The following SALL1 variants were observed in gnomAD, a reference collection of about 807,000 sequenced individuals.
The protein encoded by SALL1 is spalt like transcription factor 1, also known as sal-like protein 1.
A neutral mutation model predicts 73.1 loss-of-function variants in SALL1; 10 were observed. The observed-to-expected ratio is 0.14, with a 90% CI of 0.08 to 0.23. SALL1 has a LOEUF of 0.23. Among genes scored for constraint, SALL1 ranks in the 10% least tolerant of loss-of-function variants. The pLI, the probability that SALL1 is intolerant of heterozygous loss-of-function variation, is 1.00. For synonymous variants in SALL1, 688 were observed against 689.8 expected (o/e 1.00, Z 0.04); for missense variants, 1,520 against 1,697.3 (o/e 0.90, Z 1.84).
chr16:51,144,420 A>C (rs932953652), intron 1 of SALL1, among the ~76,000 whole-genome samples: 3 of 152,204 alleles, frequency 2.0e-5, no homozygotes, highest in Non-Finnish European at 4.4e-5. Flanking sequence ...GCTCACATTT[A>C]TCAAAACATA....
Position 51,140,294 on chromosome 16 carries a change from C to T in SALL1, c.1928G>A (p.Ser643Asn). The change falls in exon 2 of 3, where the codon AGC (serine) becomes AAC (asparagine). Residue 643 changes from serine (S) to asparagine (N), a missense_variant. This residue lies in a region of SALL1 where 276 missense variants were observed against 259.1 expected (regional missense o/e 1.07). Transcript: ENST00000251020. This position sits in a 1 kb window ranked among gnomAD's most constrained non-coding sequence, Gnocchi z 5.7. ...GGGGCCGCAGTCTGCCGCTGGGGAG[C>T]TCAGGACGCTACTGCTCGCCGTCGG... is the stretch of plus-strand genomic sequence containing the variant. Reference protein sequence around the residue: ...SVPTASSSVLSSPAADCGPAG... With the variant: ...SVPTASSSVLNSPAADCGPAG... The T allele has an allele frequency of 6.2e-7, 1 of 1,614,122 alleles. No individual in the cohort carries two copies.
At position 51,139,036 on chromosome 16, in the gene SALL1, C is replaced by A. The variant is rs1213436025; in HGVS notation, c.3186G>T (p.Glu1062Asp). The A allele has an allele frequency of 6.2e-7, 1 of 1,614,172 alleles. No homozygotes were observed. The highest frequency in any genetic ancestry group is 8.5e-7 in the Non-Finnish European group (1 of 1,180,036). Residue 1062 changes from glutamate to aspartate, a missense_variant, in exon 2 of 3, where the codon GAG (glutamate) becomes GAT (aspartate). By Grantham distance (45) the Glu-to-Asp change is conservative (BLOSUM62 2). Around this residue, in one of 7 missense-constraint regions of SALL1, gnomAD observed 318 missense variants for 357.1 expected, o/e 0.89. Transcript: ENST00000251020. ...GATTGGGGCCAAGGTTGGAACTGGG[C>A]TCAAAGAGCTGGGATGGCAGATCTC... ...QMRDLPSQLF[E>D]PSSNLGPNQN... is the part of the protein sequence containing the mutation.
chr16:51,136,329 A>G lies in SALL1; in HGVS notation c.*783T>C, dbSNP rs1409430246. 1.3e-5 allele frequency: 2 copies of G among 152,688 alleles called. No individual in the cohort carries two copies. The highest frequency in any genetic ancestry group is 2.9e-5 in the Non-Finnish European group (2 of 68,042). The allele number at this position is 152,688 out of a possible 1,614,324, so 9.5% of individuals were successfully genotyped here. The stretch of plus-strand genomic sequence containing the variant: ...TAGCAGCATTGTGAAATTCCAGCAC[A>G]CATTTTCTATCGTGAATATACCTAC... On this transcript the variant is annotated 3_prime_UTR_variant, in exon 3 of 3. Coordinates refer to ENST00000251020, the MANE Select transcript of SALL1 (RefSeq NM_002968.3).
chr16:51,148,490 G>A (rs1962549590), intron 1 of SALL1, among the ~76,000 whole-genome samples: 1 of 152,170 alleles, frequency 6.6e-6, no homozygotes, highest in South Asian at 2.1e-4. Flanking sequence ...GTTTGAAAAG[G>A]GGCTTGCCTT....
intron 1 of SALL1, among the ~76,000 whole-genome samples, chr16:51,147,935 T>A (rs1962543561): frequency 6.6e-6 from 1 of 152,206 alleles, no homozygotes; most frequent in Admixed American, 6.5e-5. Context: ...TGATAAACAG[T>A]CTTTCCAGTA....
rs551930236 is a variant in SALL1, at chr16:51,140,285, G to A, written c.1937C>T (p.Ala646Val). Residue 646 changes from alanine (A) to valine (V), a missense_variant, in exon 2 of 3, where the codon GCG (alanine) becomes GTG (valine). This residue lies in a region of SALL1 where 276 missense variants were observed against 259.1 expected (regional missense o/e 1.07). Coordinates refer to ENST00000251020, the MANE Select transcript of SALL1 (RefSeq NM_002968.3). This position sits in a 1 kb window ranked among gnomAD's most constrained non-coding sequence, Gnocchi z 5.7. ...ACTGCCCGCGGGGCCGCAGTCTGCC[G>A]CTGGGGAGCTCAGGACGCTACTGCT... The part of the protein sequence containing the change: ...TASSSVLSSP[A>V]ADCGPAGSAT... 14 of 1,614,112 alleles carry A rather than the reference G, an allele frequency of 8.7e-6. No homozygotes were observed. Among genetic ancestry groups the A allele is most frequent in the African/African-American group, 5.3e-5 (4 of 75,056 alleles).
In SALL1 at chr16:51,137,521, G is replaced by A. The variant is rs777704016; in HGVS notation, c.3566C>T (p.Thr1189Ile). 2 of 1,613,678 alleles carry A rather than the reference G, an allele frequency of 1.2e-6. No homozygotes were observed. The highest frequency in any genetic ancestry group is 1.3e-5 in the African/African-American group (1 of 74,878). ...VHMGTHMWNS[T>I]PARRGRRLSV... Reference sequence around the variant, plus strand: ...GAGCCGCCGACCCCGTCGTGCAGGGGTGCTATTCCACATGTGAGTGCCCAT... The same window carrying A: ...GAGCCGCCGACCCCGTCGTGCAGGGATGCTATTCCACATGTGAGTGCCCAT... Residue 1189 changes from threonine to isoleucine, a missense_variant, in exon 3 of 3, where the codon ACC (threonine) becomes ATC (isoleucine). Thr to Ile is a moderately conservative substitution (Grantham distance 89). Transcript: ENST00000251020.
chr16:51,136,976 G>A lies in SALL1; in HGVS notation c.*136C>T. 1 of 704,960 alleles carries A rather than the reference G, an allele frequency of 1.4e-6. No individual in the cohort carries two copies. The allele number at this position is 704,960 out of a possible 1,614,324, so 43.7% of individuals were successfully genotyped here. A position where few individuals can be genotyped will look rare whatever the true frequency, so the allele number is the denominator to read the frequency against. On this transcript the variant is annotated 3_prime_UTR_variant, in exon 3 of 3. Coordinates refer to ENST00000251020, the MANE Select transcript of SALL1 (RefSeq NM_002968.3). ...AAAGTTGAACAAGGTACAAAAGAAT[G>A]TCTTCATAATGTTGTAGTTCATAGA...
At position 51,139,768 on chromosome 16, in the gene SALL1, A is replaced by C. The variant is rs1271257690; in HGVS notation, c.2454T>G (p.Phe818Leu). Reference protein sequence around the residue: ...SDTGSFDEKNFDDLDNFSDEN... With the variant: ...SDTGSFDEKNLDDLDNFSDEN... ...CATCAGAGAAGTTGTCTAGGTCATC[A>C]AAATTTTTCTCATCAAAGGAACCTG... The change falls in exon 2 of 3, where the codon TTT becomes TTG. Residue 818 changes from phenylalanine to leucine, a missense_variant. Physicochemically the swap from Phe to Leu is conservative, Grantham distance 22. Transcript: ENST00000251020. 4 of 1,614,082 alleles carry C rather than the reference A, an allele frequency of 2.5e-6. No homozygotes were observed. The Admixed American group carries it at 5.0e-5, about 20-fold the overall frequency.
At chr16:51,137,609 A>C in intron 2 of SALL1, 57 bp from the exon 3 acceptor site, 1 of 1,385,110 alleles carries the variant, frequency 7.2e-7, no homozygotes, top group Non-Finnish European at 1.0e-6. Context: ...AAAAAAGAGG[A>C]GGGGGAGAGA....
rs1317121878 is a variant in SALL1, at chr16:51,137,282, T to G, written c.3805A>C (p.Ser1269Arg). ...GIPPIPGSLG[S>R]GNSSPVSGLT... is the part of the protein sequence containing the mutation. ...CCACTAACAGGTGAGCTGTTCCCAC[T>G]GCCGAGGCTTCCAGGAATTGGAGGG... is the stretch of plus-strand genomic sequence containing the variant. The change falls in exon 3 of 3, where the codon AGT becomes CGT. Residue 1269 changes from serine to arginine, a missense_variant. This residue lies in a region of SALL1 where 318 missense variants were observed against 357.1 expected (regional missense o/e 0.89). Transcript: ENST00000251020. 9.3e-6 allele frequency: 15 copies of G among 1,613,958 alleles called. No homozygotes were observed. Among genetic ancestry groups the G allele is most frequent in the Non-Finnish European group, 1.1e-5 (13 of 1,180,024 alleles).
Position 51,138,554 on chromosome 16 carries a change from G to A in SALL1, c.3534+134C>T, listed in dbSNP as rs1391810236. ...CCCCCATTTCTCCCCCGTCAACCAT[G>A]TGCAGCAGGTTCCCTTGCAAGAGCT... On this transcript the variant is annotated intron_variant, in intron 2 of 2. Coordinates refer to ENST00000251020, the MANE Select transcript of SALL1 (RefSeq NM_002968.3). 12 of 1,178,894 alleles carry A rather than the reference G, an allele frequency of 1.0e-5. No homozygotes were observed. The Admixed American group carries it at 1.1e-4, about 10-fold the overall frequency. 73.0% of individuals were successfully genotyped at this position (1,178,894 alleles called of 1,614,324 possible).
chr16:51,141,131 T>G lies in SALL1; in HGVS notation c.1091A>C (p.His364Pro). 1 of 1,614,208 alleles carries G rather than the reference T, an allele frequency of 6.2e-7. No homozygotes were observed. The change falls in exon 2 of 3, where the codon CAT (histidine) becomes CCT (proline). Residue 364 changes from histidine (H) to proline (P), a missense_variant. Around this residue, in one of 7 missense-constraint regions of SALL1, gnomAD observed 540 missense variants for 567.5 expected, o/e 0.95. Transcript: ENST00000251020. This position sits in a 1 kb window ranked among gnomAD's most constrained non-coding sequence, Gnocchi z 5.4. ...EKVASSAGASHVSNPAVSSSS... is the reference protein window; with the variant it reads ...EKVASSAGASPVSNPAVSSSS... ...TGATGAGACCGCTGGGTTGCTGACA[T>G]GGGAGGCCCCAGCACTTGAAGCCAC...
rs1380146699 is a variant in SALL1, at chr16:51,140,528, C to T, written c.1694G>A (p.Ser565Asn). Residue 565 changes from serine (S) to asparagine (N), a missense_variant, in exon 2 of 3, where the codon AGC (serine) becomes AAC (asparagine). Coordinates refer to ENST00000251020, the MANE Select transcript of SALL1 (RefSeq NM_002968.3). The surrounding 1 kb of genome is among the most constrained non-coding windows in gnomAD (Gnocchi z 5.7). The stretch of plus-strand genomic sequence containing the variant: ...TTCCGTCTTGATGAAGGGTATGAGG[C>T]TTGGGAGGGTTGGGGGCAACGGCAG... ...VGLPLPPTLPSLIPFIKTEEP... is the reference protein window; with the variant it reads ...VGLPLPPTLPNLIPFIKTEEP... The T allele has an allele frequency of 6.2e-7, 1 of 1,613,800 alleles. No homozygotes were observed. The highest frequency in any genetic ancestry group is 1.7e-5 in the Admixed American group (1 of 60,004).
chr16:51,143,273 C>T (rs572819937), intron 1 of SALL1: 1 of 365,092 alleles, frequency 2.7e-6, no homozygotes, highest in Non-Finnish European at 5.6e-6. Context: ...CACTAAGATC[C>T]ATTTGTAAAT....
At chr16:51,143,380 T>C in intron 1 of SALL1, 1 of 421,080 alleles carries the variant, frequency 2.4e-6, no homozygotes, top group Non-Finnish European at 4.8e-6. Context: ...ACTTCTGTTG[T>C]ACAAATGGTG....
chr16:51,149,263 T>G (rs1222486983), intron 1 of SALL1: 1 of 152,480 alleles, frequency 6.6e-6, no homozygotes, highest in African/African-American at 2.4e-5. Flanking sequence ...CCGAGACTTT[T>G]TTTTTTTAAA....
chr16:51,148,041 A>C (rs1413880737), intron 1 of SALL1, among the ~76,000 whole-genome samples: 1 of 152,248 alleles, frequency 6.6e-6, no homozygotes, highest in African/African-American at 2.4e-5. Flanking sequence ...GAAGCAGAAA[A>C]ATTACCAAGT....
chr16:51,142,436 T>C (rs572026834), intron 1 of SALL1, among the ~76,000 whole-genome samples: 28 of 152,330 alleles, frequency 1.8e-4, no homozygotes, highest in Middle Eastern at 3.4e-3. Flanking sequence ...TAGCAAAATA[T>C]TGATTTCCAA....
Sources: allele counts gnomAD v4.1 joint callset (sites outside exome capture counted in the v4.1 genomes callset), GRCh38; gene constraint gnomAD v4.1.1; regional missense constraint gnomAD v4.1.1; non-coding constraint Gnocchi (gnomAD v3.1); transcripts MANE v1.5; gene names NCBI Gene and HGNC (gene_info 2026-07-23, HGNC 2026-07-21).